UNKL: variants seen among roughly 807,000 people sequenced by gnomAD.
UNKL encodes the protein unk like zinc finger.
UNKL carries 60 observed loss-of-function variants against 78.0 expected under a neutral mutation model. That is an observed-to-expected ratio of 0.77 (90% confidence interval 0.63 to 0.95). The LOEUF (loss-of-function observed/expected upper bound fraction) is 0.95, where lower values mean the gene tolerates loss of function less well. UNKL is among the 40% of genes least tolerant of loss of function. The pLI, the probability that UNKL is intolerant of heterozygous loss-of-function variation, is 0.00. For missense variants in UNKL, 1,159 were observed against 1,045.7 expected (o/e 1.11, Z -1.49); for synonymous variants, 608 against 474.8 (o/e 1.28, Z -3.65).
At position 1,414,699 on chromosome 16, in the gene UNKL, C is replaced by T. The variant is rs1567247114; in HGVS notation, c.-8G>A. 1 of 1,125,374 alleles carries T rather than the reference C, an allele frequency of 8.9e-7. No individual in the cohort carries two copies. The allele number at this position is 1,125,374 out of a possible 1,614,324, so 69.7% of individuals were successfully genotyped here. A position where few individuals can be genotyped will look rare whatever the true frequency, so the allele number is the denominator to read the frequency against. On this transcript the variant is annotated 5_prime_UTR_variant, in exon 1 of 15. Transcript: ENST00000389221. The stretch of plus-strand genomic sequence containing the variant: ...TTTCGAAACCGACGGCATTTTCAGT[C>T]AAAACAATGCAGCGCGCATGCGCCG...
In UNKL at chr16:1,399,455, C is replaced by T. The variant is rs751264661; in HGVS notation, c.653G>A (p.Arg218His). ...YKTEQCPKPPRLCRQGYACPH... is the reference protein window; with the variant it reads ...YKTEQCPKPPHLCRQGYACPH... ...GCACGCATAGCCCTGGCGGCACAGGCGTGGCGGCTTCGGGCACTGCTCCGT... is the reference window on the plus strand; with the variant it reads ...GCACGCATAGCCCTGGCGGCACAGGTGTGGCGGCTTCGGGCACTGCTCCGT... The change falls in exon 5 of 15, where the codon CGC becomes CAC. Residue 218 changes from arginine to histidine, a missense_variant. Coordinates refer to ENST00000389221, the MANE Select transcript of UNKL (RefSeq NM_001372107.1). The surrounding 1 kb of genome is among the most constrained non-coding windows in gnomAD (Gnocchi z 5.8). 15 of 1,603,870 alleles carry T rather than the reference C, an allele frequency of 9.4e-6. No homozygotes were observed. Among genetic ancestry groups the T allele is most frequent in the Non-Finnish European group, 1.2e-5 (14 of 1,176,058 alleles).
rs1452572184 is a variant in UNKL, at chr16:1,367,863, G to A, written c.1586-5C>T. On this transcript the variant is annotated splice_polypyrimidine_tract_variant and splice_region_variant and intron_variant, in intron 12 of 14. Coordinates refer to ENST00000389221, the MANE Select transcript of UNKL (RefSeq NM_001372107.1). ...TCCCGGGGACACCGTTCAAACCTGA[G>A]TGTGAAACGGTCGATGACGGCCCAG... The A allele has an allele frequency of 3.2e-6, 5 of 1,555,176 alleles. No individual in the cohort carries two copies. The highest frequency in any genetic ancestry group is 2.7e-5 in the African/African-American group (2 of 73,510).
chr16:1,401,539 A>ACCG lies in UNKL; in HGVS notation c.598+26_598+28dup, dbSNP rs1220683257. 2.5e-5 allele frequency: 34 copies of ACCG among 1,351,508 alleles called. No individual in the cohort carries two copies. In the African/African-American group the frequency reaches 3.5e-4, roughly 14 times the overall value. The allele number at this position is 1,351,508 out of a possible 1,614,324, so 83.7% of individuals were successfully genotyped here. ...TCGCGCTGTGCCCGCCCCCCCCACC[A>ACCG]CCGCCCTCAGCTGCGGCCGTGGAGT... On this transcript the variant is annotated intron_variant, in intron 4 of 14. Transcript: ENST00000389221.
intron 9 of UNKL, among the ~76,000 whole-genome samples, chr16:1,390,114 G>T (rs1049558457): frequency 3.9e-5 from 6 of 152,192 alleles, no homozygotes; most frequent in African/African-American, 1.4e-4. Context: ...AGCTTCCCGA[G>T]TAGCTGGGAC....
At position 1,387,835 on chromosome 16, in the gene UNKL, CCT is replaced by C. The variant is rs1334821857; in HGVS notation, c.1087-2452_1087-2451del. On this transcript the variant is annotated intron_variant, in intron 9 of 14. Coordinates refer to ENST00000389221, the MANE Select transcript of UNKL (RefSeq NM_001372107.1). The surrounding 1 kb of genome is among the most constrained non-coding windows in gnomAD (Gnocchi z 4.1). ...CTCATCCCATCTCTTGGCAGCCCAC[CCT>C]GTGTCCCGGGGTCTGCCCAGGTCCG... Among the ~76,000 whole-genome samples, 4 of 151,406 alleles carry C rather than the reference CCT, an allele frequency of 2.6e-5. No individual in the cohort carries two copies. Among genetic ancestry groups the C allele is most frequent in the African/African-American group, 9.7e-5 (4 of 41,180 alleles).
In UNKL at chr16:1,403,363, C is replaced by T. The variant is rs200129373; in HGVS notation, c.288-19G>A. 1,262 of 1,611,584 alleles carry T rather than the reference C, an allele frequency of 7.8e-4. 8 individuals are homozygous for T. Among genetic ancestry groups the T allele is most frequent in the Middle Eastern group, 6.5e-3 (39 of 6,024 alleles). ...GGGACACCTGGGGAGCAGAGAGGCA[C>T]GCAATGCCTGGTTATCATGGACCCA... On this transcript the variant is annotated intron_variant, in intron 2 of 14. Transcript: ENST00000389221. This position sits in a 1 kb window ranked among gnomAD's most constrained non-coding sequence, Gnocchi z 4.8.
intron 10 of UNKL, among the ~76,000 whole-genome samples, chr16:1,375,094 G>A (rs943548935): frequency 6.6e-6 from 1 of 152,120 alleles, no homozygotes; most frequent in Non-Finnish European, 1.5e-5. Flanking sequence ...GTGGCCCCTC[G>A]CCCGAGGCCT....
rs1218071522 is a variant in UNKL at position 1,369,055 on chromosome 16, G to GTTTTTTTTTT, written c.1585+1065_1585+1074dup. On this transcript the variant is annotated intron_variant, in intron 12 of 14. Coordinates refer to ENST00000389221, the MANE Select transcript of UNKL (RefSeq NM_001372107.1). ...GCCACTATGTTGGCCCAAAGTATTA[G>GTTTTTTTTTT]TTTTTTTTTTTTTTTTTTTTTTTTT... Among the ~76,000 whole-genome samples, 11 of 53,720 alleles carry GTTTTTTTTTT rather than the reference G, an allele frequency of 2.0e-4. 1 individual carries two copies. Among genetic ancestry groups the GTTTTTTTTTT allele is most frequent in the Admixed American group, 6.2e-4 (2 of 3,246 alleles). 35.2% of individuals were successfully genotyped at this position (53,720 alleles called of 152,430 possible).
intron 8 of UNKL, among the ~76,000 whole-genome samples, chr16:1,391,931 A>G (rs1450006898): frequency 1.3e-5 from 2 of 150,606 alleles, no homozygotes; most frequent in Non-Finnish European, 3.0e-5. Flanking sequence ...CAGGTGATCC[A>G]CCCGCCTTGG....
chr16:1,404,865 G>A (rs892164579), intron 2 of UNKL, among the ~76,000 whole-genome samples: 5 of 152,154 alleles, frequency 3.3e-5, no homozygotes, highest in Admixed American at 6.6e-5. Context: ...TGGGGTAAAC[G>A]CGGGCTTCCA....
rs577348226 is a variant in UNKL, at chr16:1,405,948, C to T, written c.288-2604G>A. The T allele has an allele frequency of 2.0e-5, 9 of 456,672 alleles. No homozygotes were observed. In the East Asian group the frequency reaches 3.5e-4, roughly 18 times the overall value. The allele number at this position is 456,672 out of a possible 1,614,324, so 28.3% of individuals were successfully genotyped here. A position where few individuals can be genotyped will look rare whatever the true frequency, so the allele number is the denominator to read the frequency against. On this transcript the variant is annotated intron_variant, in intron 2 of 14. Coordinates refer to ENST00000389221, the MANE Select transcript of UNKL (RefSeq NM_001372107.1). ...CCACCAGACCCCCTTAACACATTCT[C>T]GAGACTGCGAGCCACATGCATCAAA...
chr16:1,380,007 G>T (rs1277593907), intron 10 of UNKL, among the ~76,000 whole-genome samples: 1 of 152,238 alleles, frequency 6.6e-6, no homozygotes, highest in African/African-American at 2.4e-5. Context: ...GGGGCGGGGC[G>T]GCGTGAGCTG....
intron 10 of UNKL, among the ~76,000 whole-genome samples, chr16:1,372,770 C>CCCCAG (rs1376451771): frequency 6.6e-6 from 1 of 152,188 alleles, no homozygotes; most frequent in Non-Finnish European, 1.5e-5. Flanking sequence ...GGCGCCGCCT[C>CCCCAG]CCCAGCCCAG....
chr16:1,404,623 A>G (rs2037667655), intron 2 of UNKL, among the ~76,000 whole-genome samples: 1 of 152,148 alleles, frequency 6.6e-6, no homozygotes, highest in Admixed American at 6.6e-5. Context: ...TACACATCCA[A>G]AAAACCTGGA....
At chr16:1,374,175 GCA>G (rs1232672478) in intron 10 of UNKL, among the ~76,000 whole-genome samples, 3 of 144,008 alleles carry the variant, frequency 2.1e-5, no homozygotes, top group African/African-American at 7.9e-5. Context: ...GGCCAACACC[GCA>G]CAGAGACCTC....
At chr16:1,398,362 C>T in intron 5 of UNKL, 1 of 1,022,312 alleles carries the variant, frequency 9.8e-7, no homozygotes, top group Non-Finnish European at 1.2e-6. Context: ...CATTAAGTGC[C>T]TGTTGAAAAA....
intron 2 of UNKL, among the ~76,000 whole-genome samples, chr16:1,409,938 G>A (rs1228808984): frequency 6.6e-6 from 1 of 152,034 alleles, no homozygotes; most frequent in African/African-American, 2.4e-5. Flanking sequence ...AAATTAGCCA[G>A]GCATGGTGGC....
intron 10 of UNKL, among the ~76,000 whole-genome samples, chr16:1,381,544 C>T (rs866007652): frequency 5.9e-5 from 9 of 152,132 alleles, no homozygotes; most frequent in Non-Finnish European, 1.2e-4. Context: ...CGCTTGAACC[C>T]GGAAGGCAGA....
At chr16:1,380,775 A>C (rs1424714674) in intron 10 of UNKL, among the ~76,000 whole-genome samples, 2 of 146,308 alleles carry the variant, frequency 1.4e-5, no homozygotes, top group African/African-American at 2.5e-5. Flanking sequence ...TTGCGGTCCA[A>C]GCAATTCTCG....
Sources: allele counts gnomAD v4.1 joint callset (sites outside exome capture counted in the v4.1 genomes callset), GRCh38; gene constraint gnomAD v4.1.1; non-coding constraint Gnocchi (gnomAD v3.1); transcripts MANE v1.5; gene names NCBI Gene and HGNC (gene_info 2026-07-23, HGNC 2026-07-21).